CDH23: variants seen among roughly 807,000 people sequenced by gnomAD.
CDH23 encodes the protein cadherin-23.
In CDH23, 189 loss-of-function variants were observed where a neutral mutation model predicts 317.1. That is an observed-to-expected ratio of 0.60 (90% CI 0.53 to 0.67). The LOEUF (loss-of-function observed/expected upper bound fraction) is 0.67, where lower values mean the gene tolerates loss of function less well. Among genes scored for constraint, CDH23 ranks in the 30% least tolerant of loss-of-function variants. The probability of loss-of-function intolerance (pLI) is 0.00; values close to 1 mark genes in which losing one functional copy is unlikely to be tolerated. For synonymous variants in CDH23, 1,839 were observed against 1,876.8 expected, an observed-to-expected ratio of 0.98 and a Z score of 0.52; for missense variants, 4,401 against 4,592.4, an observed-to-expected ratio of 0.96 and a Z score of 1.20.
chr10:71,608,350 G>C (rs1384424526), intron 9 of CDH23, among the ~76,000 whole-genome samples: 1 of 152,224 alleles, frequency 6.6e-6, no homozygotes, highest in Non-Finnish European at 1.5e-5. Context: ...AGAGGCCACA[G>C]TGGAGATCAG....
At chr10:71,679,743 G>A (rs554135171) in intron 17 of CDH23, among the ~76,000 whole-genome samples, 3 of 152,290 alleles carry the variant, frequency 2.0e-5, no homozygotes, top group Middle Eastern at 3.4e-3. Flanking sequence ...CCCTGCAATC[G>A]AGCCAGAAGT....
intron 29 of CDH23, among the ~76,000 whole-genome samples, chr10:71,724,320 T>C (rs576408887): frequency 1.9e-4 from 29 of 152,198 alleles, no homozygotes; most frequent in Non-Finnish European, 3.5e-4. Context: ...TGAGACGGAG[T>C]CTCCCTCTGT....
chr10:71,532,262 C>A (rs949722490), intron 6 of CDH23, among the ~76,000 whole-genome samples: 18 of 152,216 alleles, frequency 1.2e-4, no homozygotes, highest in Non-Finnish European at 1.9e-4. Flanking sequence ...AGCTGTCACA[C>A]GTCTTCAGTT....
In CDH23 at chr10:71,812,553, C is replaced by G. The variant is rs1400002431; in HGVS notation, c.9454C>G (p.Leu3152Val). 6.8e-6 allele frequency: 11 copies of G among 1,613,850 alleles called. No homozygotes were observed. The South Asian group carries it at 8.8e-5, about 13-fold the overall frequency. The change falls in exon 67 of 70, where the codon CTA becomes GTA. Residue 3152 changes from leucine to valine, a missense_variant. Leu to Val is a conservative substitution (Grantham distance 32). Coordinates refer to ENST00000224721, the MANE Select transcript of CDH23 (RefSeq NM_022124.6). ...LAAQAEHEDD[L>V]PENLSEIADL... Reference sequence around the variant, plus strand: ...CGCCCAGGCGGAGCATGAGGATGACCTACCGGAGAACCTGAGTGAGATCGC... The same window carrying G: ...CGCCCAGGCGGAGCATGAGGATGACGTACCGGAGAACCTGAGTGAGATCGC...
intron 9 of CDH23, among the ~76,000 whole-genome samples, chr10:71,583,325 G>A (rs1240121732): frequency 2.0e-5 from 3 of 152,056 alleles, no homozygotes; most frequent in Non-Finnish European, 4.4e-5. Context: ...CCCGGCTCAG[G>A]AGAATGCCAG....
chr10:71,499,964 C>G (rs1342000745), intron 3 of CDH23, among the ~76,000 whole-genome samples: 2 of 140,034 alleles, frequency 1.4e-5, no homozygotes, highest in African/African-American at 5.4e-5. Flanking sequence ...TTGCAGTGAG[C>G]TGAAAGAGAG....
chr10:71,542,203 T>G (rs895564591), intron 6 of CDH23, among the ~76,000 whole-genome samples: 1 of 152,218 alleles, frequency 6.6e-6, no homozygotes, highest in South Asian at 2.1e-4. Flanking sequence ...AAAGGTGGCG[T>G]AGCTTAGTAA....
intron 11 of CDH23, chr10:71,617,640 C>T (rs1861263768): frequency 5.3e-6 from 3 of 570,846 alleles, no homozygotes; most frequent in Admixed American, 6.3e-5. Flanking sequence ...TTAGAAGTTA[C>T]ATACATGATC....
At chr10:71,578,570 C>T (rs1858395882) in intron 9 of CDH23, among the ~76,000 whole-genome samples, 1 of 152,146 alleles carries the variant, frequency 6.6e-6, no homozygotes, top group African/African-American at 2.4e-5. Context: ...AGAGATGGTT[C>T]CGGGTGATGG....
At chr10:71,703,534 C>T (rs1865668942) in intron 24 of CDH23, among the ~76,000 whole-genome samples, 2 of 152,226 alleles carry the variant, frequency 1.3e-5, no homozygotes, top group South Asian at 4.1e-4. Flanking sequence ...ACACAGGAAA[C>T]ACAGTAGCTG....
At chr10:71,729,850 T>G (rs936164466) in intron 30 of CDH23, among the ~76,000 whole-genome samples, 1 of 152,024 alleles carries the variant, frequency 6.6e-6, no homozygotes, top group Non-Finnish European at 1.5e-5. Flanking sequence ...ATTTTTTTTT[T>G]TTGAGATGGA....
rs1864697118 is a variant in CDH23 at position 71,682,532 on chromosome 10, C to G, written c.1946C>G (p.Pro649Arg). 2 of 1,613,728 alleles carry G rather than the reference C, an allele frequency of 1.2e-6. No individual in the cohort carries two copies. The highest frequency in any genetic ancestry group is 8.5e-7 in the Non-Finnish European group (1 of 1,179,784). The change falls in exon 18 of 70, where the codon CCC becomes CGC. Residue 649 changes from proline (P) to arginine (R), a missense_variant. Pro to Arg is a moderately radical substitution (Grantham distance 103). Around this residue, in one of 3 missense-constraint regions of CDH23, gnomAD observed 3,068 missense variants for 3,203.3 expected, o/e 0.96. Coordinates refer to ENST00000224721, the MANE Select transcript of CDH23 (RefSeq NM_022124.6). ...LTVMAMDAGN[P>R]PLNSTVPVTI... ...GTCATGGCCATGGATGCTGGCAACC[C>G]CCCTCTCAACAGCACCGTCCCTGTC...
Position 71,807,587 on chromosome 10 carries a change from G to C in CDH23, c.8380G>C (p.Glu2794Gln). 1 of 1,614,008 alleles carries C rather than the reference G, an allele frequency of 6.2e-7. No individual in the cohort carries two copies. Among genetic ancestry groups the C allele is most frequent in the Non-Finnish European group, 8.5e-7 (1 of 1,179,896 alleles). ...CLLVLRDLDR[E>Q]REAIFSFIVK... ...GCTGGTGCTGCGGGACCTGGACCGG[G>C]AGCGAGAAGCCATCTTCTCCTTCAT... is the stretch of plus-strand genomic sequence containing the variant. The change falls in exon 59 of 70, where the codon GAG (glutamate) becomes CAG (glutamine). Residue 2794 changes from glutamate (E) to glutamine (Q), a missense_variant. Physicochemically the swap from Glu to Gln is conservative, Grantham distance 29. Transcript: ENST00000224721.
intron 3 of CDH23, among the ~76,000 whole-genome samples, chr10:71,468,691 A>G (rs1439953843): frequency 6.6e-6 from 1 of 151,940 alleles, no homozygotes; most frequent in Non-Finnish European, 1.5e-5. Context: ...GCTTTTGGGA[A>G]CTCACGATTC....
intron 14 of CDH23, among the ~76,000 whole-genome samples, chr10:71,671,087 G>C: frequency 6.6e-6 from 1 of 151,706 alleles, no homozygotes; most frequent in Non-Finnish European, 1.5e-5. Flanking sequence ...AGCCTCCTGA[G>C]TAGCTGGGAC....
At chr10:71,623,028 C>A in intron 11 of CDH23, 1 of 843,978 alleles carries the variant, frequency 1.2e-6, no homozygotes, top group Non-Finnish European at 1.4e-6. Context: ...GTTATGTGCA[C>A]CAACTATGTG....
chr10:71,579,427 T>C (rs1384517008), intron 9 of CDH23, among the ~76,000 whole-genome samples: 3 of 152,160 alleles, frequency 2.0e-5, no homozygotes, highest in Admixed American at 1.3e-4. Context: ...GCACAGGACC[T>C]GGTGTAGCGT....
intron 28 of CDH23, among the ~76,000 whole-genome samples, chr10:71,718,482 A>G (rs1866395124): frequency 6.6e-6 from 1 of 152,238 alleles, no homozygotes; most frequent in Non-Finnish European, 1.5e-5. Flanking sequence ...CATCAGGCCT[A>G]GAGAGCACTC....
chr10:71,398,264 A>T (rs1847616399), intron 1 of CDH23, among the ~76,000 whole-genome samples: 1 of 152,120 alleles, frequency 6.6e-6, no homozygotes, highest in East Asian at 1.9e-4. Context: ...CTCGGTAGTA[A>T]TACTCCCCCA....
Sources: allele counts gnomAD v4.1 joint callset (sites outside exome capture counted in the v4.1 genomes callset), GRCh38; gene constraint gnomAD v4.1.1; regional missense constraint gnomAD v4.1.1; transcripts MANE v1.5; gene names NCBI Gene and HGNC (gene_info 2026-07-23, HGNC 2026-07-21).